Variants in NTM observed in about 807,000 individuals in gnomAD.
NTM encodes the protein neurotrimin, also known as IgLON family member 2.
NTM carries 13 observed loss-of-function variants against 42.1 expected under a neutral mutation model. That is an observed-to-expected ratio of 0.31 (90% CI 0.20 to 0.49). The LOEUF (loss-of-function observed/expected upper bound fraction) is 0.49. Ranked by LOEUF, NTM falls within the 20% of genes least tolerant of loss-of-function variation. The pLI is 0.99. For synonymous variants in NTM, 187 were observed against 179.2 expected (o/e 1.04, Z -0.35); for missense variants, 373 against 452.8 (o/e 0.82, Z 1.60).
chr11:132,217,236 T>A (rs1239134012), intron 4 of NTM, among the ~76,000 whole-genome samples: 5 of 152,232 alleles, frequency 3.3e-5, no homozygotes, highest in Non-Finnish European at 7.4e-5. Context: ...TATATGAAAA[T>A]TTGCCATTCC....
chr11:131,663,931 A>G (rs1439619048), intron 1 of NTM, among the ~76,000 whole-genome samples: 1 of 152,240 alleles, frequency 6.6e-6, no homozygotes, highest in Non-Finnish European at 1.5e-5. Context: ...TGAAGCTTGA[A>G]TTAGAGCTTG....
At chr11:132,119,135 A>G (rs984842693) in intron 2 of NTM, among the ~76,000 whole-genome samples, 5 of 152,000 alleles carry the variant, frequency 3.3e-5, no homozygotes, top group Non-Finnish European at 7.4e-5. Context: ...GGTCTCCTCT[A>G]CTTCTTACTG....
At chr11:132,004,655 A>C (rs938839716) in intron 2 of NTM, among the ~76,000 whole-genome samples, 1 of 131,768 alleles carries the variant, frequency 7.6e-6, no homozygotes. Context: ...CACACACACA[A>C]CACACACACA....
intron 1 of NTM, among the ~76,000 whole-genome samples, chr11:131,613,352 C>T (rs1592227746): frequency 3.3e-5 from 5 of 152,094 alleles, no homozygotes; most frequent in Admixed American, 2.0e-4. Flanking sequence ...TCTCTGAAAT[C>T]GTATTTTACA....
Position 131,540,854 on chromosome 11 carries a change from G to C in NTM, c.82+169966G>C, listed in dbSNP as rs190263076. 2.0e-5 allele frequency: 3 copies of C among 152,250 alleles called. No individual in the cohort carries two copies. In the South Asian group the frequency reaches 6.2e-4, roughly 32 times the overall value. 9.4% of individuals were successfully genotyped at this position (152,250 alleles called of 1,614,324 possible). ...ATTTTCTAGCTTCTCATTAGGAAGC[G>C]GTGACATCAGAATAGGACCCTGCCC... On this transcript the variant is annotated intron_variant, in intron 1 of 8. Coordinates refer to ENST00000683400, the MANE Select transcript of NTM (RefSeq NM_001352005.2).
At chr11:131,554,848 C>T (rs2055188956) in intron 1 of NTM, among the ~76,000 whole-genome samples, 1 of 152,186 alleles carries the variant, frequency 6.6e-6, no homozygotes, top group African/African-American at 2.4e-5. Flanking sequence ...GACATCATCT[C>T]CCAGCTCTGC....
chr11:131,626,307 C>T (rs952955535), intron 1 of NTM, among the ~76,000 whole-genome samples: 2 of 152,100 alleles, frequency 1.3e-5, no homozygotes, highest in African/African-American at 4.8e-5. Flanking sequence ...TTAATAATTA[C>T]TAATACTACA....
chr11:131,988,630 G>T (rs577999226), intron 2 of NTM, among the ~76,000 whole-genome samples: 11 of 152,234 alleles, frequency 7.2e-5, no homozygotes, highest in African/African-American at 2.6e-4. Context: ...TCTCCAAGCT[G>T]GGAAAATGAA....
chr11:131,638,449 C>G (rs1013836477), intron 1 of NTM, among the ~76,000 whole-genome samples: 1 of 151,384 alleles, frequency 6.6e-6, no homozygotes, highest in South Asian at 2.1e-4. Context: ...GCCTGTAATC[C>G]CAGCTACTGG....
chr11:131,885,887 G>T (rs374311660), intron 1 of NTM, among the ~76,000 whole-genome samples: 3 of 152,180 alleles, frequency 2.0e-5, no homozygotes, highest in Admixed American at 6.5e-5. Flanking sequence ...TAGTTGATGA[G>T]ACAGCAAGGT....
intron 1 of NTM, among the ~76,000 whole-genome samples, chr11:131,548,033 TACTA>T (rs1180575776): frequency 1.3e-5 from 2 of 152,174 alleles, no homozygotes; most frequent in African/African-American, 4.8e-5. Context: ...ATCTACCACA[TACTA>T]ATTAGGTGAC....
chr11:132,229,082 A>C (rs1249355463), intron 4 of NTM, among the ~76,000 whole-genome samples: 1 of 152,100 alleles, frequency 6.6e-6, no homozygotes, highest in East Asian at 1.9e-4. Context: ...TGAAAGAGGG[A>C]TCATCATCCT....
At chr11:132,019,233 T>G (rs2073946928) in intron 2 of NTM, among the ~76,000 whole-genome samples, 1 of 151,230 alleles carries the variant, frequency 6.6e-6, no homozygotes, top group Non-Finnish European at 1.5e-5. Context: ...TCCAGTTTTT[T>G]AGATGTAAGC....
intron 4 of NTM, among the ~76,000 whole-genome samples, chr11:132,284,023 TG>T (rs1481990982): frequency 6.6e-6 from 1 of 152,082 alleles, no homozygotes; most frequent in Admixed American, 6.5e-5. Flanking sequence ...GCCCAGTGCT[TG>T]TAGAAAGCCC....
chr11:131,807,759 A>AT (rs143258100), intron 1 of NTM, among the ~76,000 whole-genome samples: 2 of 152,214 alleles, frequency 1.3e-5, no homozygotes, highest in East Asian at 3.9e-4. Flanking sequence ...GGCATTAAAT[A>AT]TTTTTTATTG....
intron 2 of NTM, among the ~76,000 whole-genome samples, chr11:131,921,273 A>G (rs1039639344): frequency 2.6e-5 from 4 of 152,344 alleles, no homozygotes; most frequent in Non-Finnish European, 4.4e-5. Flanking sequence ...CTAAACCAAT[A>G]TAACTGGTGT....
At chr11:131,381,649 G>A (rs999227754) in intron 1 of NTM, among the ~76,000 whole-genome samples, 21 of 152,020 alleles carry the variant, frequency 1.4e-4, no homozygotes, top group African/African-American at 3.9e-4. Flanking sequence ...GTGAGATACC[G>A]TGGCATTTCA....
At position 131,911,787 on chromosome 11, in the gene NTM, G is replaced by A. The variant is rs2055087670; in HGVS notation, c.167+139G>A. 2.8e-6 allele frequency: 3 copies of A among 1,056,560 alleles called. No individual in the cohort carries two copies. In the East Asian group the frequency reaches 7.3e-5, roughly 26 times the overall value. The allele number at this position is 1,056,560 out of a possible 1,614,324, so 65.4% of individuals were successfully genotyped here. ...TCCCTGGGCTGCACAATTTATGGCT[G>A]CGCTGGGGGCTCTGCCCGGGAATGT... On this transcript the variant is annotated intron_variant, in intron 2 of 8. Transcript: ENST00000683400.
At chr11:132,330,058 G>A in intron 7 of NTM, 95 bp from the exon 8 acceptor site, 1 of 1,529,508 alleles carries the variant, frequency 6.5e-7, no homozygotes. Flanking sequence ...TGCTGCGCCA[G>A]GAGCGCCAGC....
Sources: allele counts gnomAD v4.1 joint callset (sites outside exome capture counted in the v4.1 genomes callset), GRCh38; gene constraint gnomAD v4.1.1; transcripts MANE v1.5; gene names NCBI Gene and HGNC (gene_info 2026-07-23, HGNC 2026-07-21).